DIS3L2: variants seen among roughly 807,000 people sequenced by gnomAD.
The protein encoded by DIS3L2 is DIS3 like 3'-5' exoribonuclease 2.
Under a neutral mutation model 97.5 loss-of-function variants are expected in DIS3L2, and 34 were observed. The observed-to-expected ratio is 0.35, with a 90% CI of 0.27 to 0.46. The LOEUF is 0.46. Ranked by LOEUF, DIS3L2 falls within the 20% of genes least tolerant of loss-of-function variation. The pLI, the probability that DIS3L2 is intolerant of heterozygous loss-of-function variation, is 1.00. For missense variants in DIS3L2, 1,038 were observed against 1,146.0 expected (o/e 0.91, Z 1.36); for synonymous variants, 435 against 445.2 (o/e 0.98, Z 0.29).
rs375195374 is a variant in DIS3L2 at position 232,333,950 on chromosome 2, C to T, written c.2121C>T (p.Ala707=). The change falls in exon 17 of 21, where the codon GCC becomes GCT. Residue 707 remains alanine, a synonymous_variant. Transcript: ENST00000325385. ...THFTSPIRRF[A]DVLVHRLLAA... is the part of the protein sequence containing the mutation. ...TCACCTCGCCCATCCGCCGCTTTGC[C>T]GACGTCCTGGTGCACCGCCTCCTGG... is the stretch of plus-strand genomic sequence containing the variant. The T allele has an allele frequency of 3.7e-6, 6 of 1,612,716 alleles. No homozygotes were observed. Among genetic ancestry groups the T allele is most frequent in the Admixed American group, 3.3e-5 (2 of 60,002 alleles).
intron 9 of DIS3L2, among the ~76,000 whole-genome samples, chr2:232,197,812 A>T (rs1185048966): frequency 1.3e-5 from 2 of 151,932 alleles, no homozygotes; most frequent in Admixed American, 1.3e-4. Flanking sequence ...ACAAAAATAT[A>T]AAAATTAGCT....
intron 1 of DIS3L2, among the ~76,000 whole-genome samples, chr2:231,973,782 A>G (rs1363162369): frequency 6.6e-6 from 1 of 152,230 alleles, no homozygotes; most frequent in African/African-American, 2.4e-5. Flanking sequence ...TCACTGCAGC[A>G]TAGAGTTTAG....
chr2:232,285,596 G>A (rs903666696), intron 13 of DIS3L2, among the ~76,000 whole-genome samples: 7 of 152,240 alleles, frequency 4.6e-5, no homozygotes, highest in African/African-American at 1.7e-4. Context: ...AGAAGAAACA[G>A]GAAGTGTGGC....
chr2:232,095,968 T>C (rs973181554), intron 6 of DIS3L2, among the ~76,000 whole-genome samples: 1 of 148,584 alleles, frequency 6.7e-6, no homozygotes, highest in East Asian at 1.9e-4. Context: ...TTCTCTCTCT[T>C]TTCTTTTCTT....
intron 14 of DIS3L2, among the ~76,000 whole-genome samples, chr2:232,310,609 G>A (rs1363567530): frequency 6.6e-6 from 1 of 152,216 alleles, no homozygotes; most frequent in African/African-American, 2.4e-5. Context: ...TTATCTACAG[G>A]AAGAGGAGAA....
At chr2:232,065,595 A>G (rs1303757204) in intron 5 of DIS3L2, among the ~76,000 whole-genome samples, 2 of 135,878 alleles carry the variant, frequency 1.5e-5, no homozygotes, top group Admixed American at 6.9e-5. Context: ...TAATTACTGT[A>G]GCTTTGTAGT....
chr2:232,336,342 A>C (rs1224129846), intron 20 of DIS3L2, 127 bp from the exon 21 acceptor site: 2 of 1,547,914 alleles, frequency 1.3e-6, no homozygotes, highest in Non-Finnish European at 1.7e-6. Context: ...CCCATTACAG[A>C]CAGGCGAGCA....
intron 3 of DIS3L2, among the ~76,000 whole-genome samples, chr2:232,019,673 A>G (rs1559546666): frequency 6.6e-6 from 1 of 151,670 alleles, no homozygotes; most frequent in Non-Finnish European, 1.5e-5. Flanking sequence ...GAAGGGAGAG[A>G]TGATATTCAT....
At chr2:232,097,349 G>C (rs1400908116) in intron 6 of DIS3L2, among the ~76,000 whole-genome samples, 3 of 152,190 alleles carry the variant, frequency 2.0e-5, no homozygotes, top group Admixed American at 6.5e-5. Context: ...CACTGGGACT[G>C]TGTTGGATCA....
chr2:232,022,252 A>T lies in DIS3L2; in HGVS notation c.211-2025A>T, dbSNP rs536795722. Among the ~76,000 whole-genome samples, 8 of 152,282 alleles carry T rather than the reference A, an allele frequency of 5.3e-5. No homozygotes were observed. In the South Asian group the frequency reaches 1.7e-3, roughly 32 times the overall value. On this transcript the variant is annotated intron_variant, in intron 3 of 20. Coordinates refer to ENST00000325385, the MANE Select transcript of DIS3L2 (RefSeq NM_152383.5). Reference sequence around the variant, plus strand: ...CTCAAGGGCTCTGTTTCCGAGGTCCAGTTCTTCAGAGTTATGCTCCAGTCA... The same window carrying T: ...CTCAAGGGCTCTGTTTCCGAGGTCCTGTTCTTCAGAGTTATGCTCCAGTCA...
chr2:232,132,597 T>C (rs1444378802), intron 7 of DIS3L2, among the ~76,000 whole-genome samples: 1 of 152,226 alleles, frequency 6.6e-6, no homozygotes, highest in African/African-American at 2.4e-5. Flanking sequence ...CTAGTGTTTC[T>C]GAATGCCAAC....
chr2:232,341,304 C>G (rs374600871), downstream of DIS3L2, among the ~76,000 whole-genome samples: 1 of 152,184 alleles, frequency 6.6e-6, no homozygotes, highest in Non-Finnish European at 1.5e-5. Flanking sequence ...CGCCCCGGGA[C>G]GTCCCACCCA....
chr2:232,052,276 G>A (rs1205683500), intron 5 of DIS3L2, among the ~76,000 whole-genome samples: 6 of 152,008 alleles, frequency 3.9e-5, no homozygotes, highest in South Asian at 4.1e-4. Context: ...CACCTGCCTC[G>A]GCTTCCCAAA....
At chr2:231,968,707 ATTCCTC>A (rs1487340597) in intron 1 of DIS3L2, among the ~76,000 whole-genome samples, 1 of 152,246 alleles carries the variant, frequency 6.6e-6, no homozygotes, top group Non-Finnish European at 1.5e-5. Flanking sequence ...ATATGTTTTT[ATTCCTC>A]TTGGTTAAAT....
chr2:232,033,847 A>G (rs1297842535), intron 5 of DIS3L2, among the ~76,000 whole-genome samples: 1 of 152,052 alleles, frequency 6.6e-6, no homozygotes, highest in Non-Finnish European at 1.5e-5. Context: ...AAGCTTTTTG[A>G]TGTGCTGCTG....
At chr2:232,134,300 AT>A (rs1698298281) in intron 7 of DIS3L2, among the ~76,000 whole-genome samples, 1 of 152,212 alleles carries the variant, frequency 6.6e-6, no homozygotes, top group Non-Finnish European at 1.5e-5. Flanking sequence ...AGGTGAAAAT[AT>A]ATCTTCAGAG....
At chr2:232,318,189 A>G (rs1695330364) in intron 14 of DIS3L2, among the ~76,000 whole-genome samples, 1 of 152,240 alleles carries the variant, frequency 6.6e-6, no homozygotes, top group Non-Finnish European at 1.5e-5. Flanking sequence ...GGCTCAAACA[A>G]GGGTAACTTG....
At chr2:232,064,221 A>G (rs1695791119) in intron 5 of DIS3L2, among the ~76,000 whole-genome samples, 1 of 152,198 alleles carries the variant, frequency 6.6e-6, no homozygotes, top group African/African-American at 2.4e-5. Context: ...ATCCCTTTTA[A>G]GTCAACATTT....
intron 6 of DIS3L2, among the ~76,000 whole-genome samples, chr2:232,125,250 T>C (rs1008370035): frequency 2.6e-5 from 4 of 152,252 alleles, no homozygotes; most frequent in African/African-American, 9.6e-5. Flanking sequence ...CAGCATGTGC[T>C]TTCAAAATTT....
Sources: gnomAD v4.1 joint callset for allele counts (sites outside exome capture counted in the v4.1 genomes callset) on GRCh38, gnomAD v4.1.1 for gene constraint, MANE v1.5 for transcripts, NCBI Gene and HGNC (gene_info 2026-07-23, HGNC 2026-07-21) for gene names.